The following SMAD5 variants were observed in gnomAD, a reference collection of about 807,000 sequenced individuals.
The protein encoded by SMAD5 is SMAD family member 5, also known as MAD, mothers against decapentaplegic homolog 5.
SMAD5 carries 9 observed loss-of-function variants against 43.1 expected under a neutral mutation model. That is an observed-to-expected ratio of 0.21 (90% CI 0.13 to 0.36). SMAD5 has a LOEUF of 0.36. Ranked by LOEUF, SMAD5 falls within the 10% of genes least tolerant of loss-of-function variation. The probability of loss-of-function intolerance (pLI) is 1.00; values close to 1 mark genes in which losing one functional copy is unlikely to be tolerated. For missense variants in SMAD5, 348 were observed against 574.0 expected, an observed-to-expected ratio of 0.61 and a Z score of 4.02; for synonymous variants, 190 against 192.4, an observed-to-expected ratio of 0.99 and a Z score of 0.10.
chr5:136,180,814 G>A lies in SMAD5; in HGVS notation c.*3334G>A, dbSNP rs2149785131. 1 of 152,254 alleles carries A rather than the reference G, an allele frequency of 6.6e-6. No individual in the cohort carries two copies. Among genetic ancestry groups the A allele is most frequent in the Non-Finnish European group, 1.5e-5 (1 of 67,962 alleles). 9.4% of individuals were successfully genotyped at this position (152,254 alleles called of 1,614,324 possible). On this transcript the variant is annotated 3_prime_UTR_variant, in exon 8 of 8. Coordinates refer to ENST00000545279, the MANE Select transcript of SMAD5 (RefSeq NM_005903.7). ...ACATCTAATGGCACAGATAGAGGAT[G>A]TAGCTATTTTATACCTTTCATAACA...
At chr5:136,167,908 C>G (rs1057380315) in intron 5 of SMAD5, among the ~76,000 whole-genome samples, 11 of 151,962 alleles carry the variant, frequency 7.2e-5, no homozygotes, top group Non-Finnish European at 1.6e-4. Flanking sequence ...CGCTCTGCCA[C>G]CCGGGATTGA....
intron 5 of SMAD5, among the ~76,000 whole-genome samples, chr5:136,167,630 T>C (rs1362556187): frequency 6.6e-6 from 1 of 151,874 alleles, no homozygotes; most frequent in Non-Finnish European, 1.5e-5. Context: ...ATACAAAAAT[T>C]AGCCGGGCTT....
At chr5:136,135,371 CCTGT>C (rs1216079708) in intron 1 of SMAD5, among the ~76,000 whole-genome samples, 5 of 152,212 alleles carry the variant, frequency 3.3e-5, no homozygotes, top group Admixed American at 1.3e-4. Context: ...ACCTGGGCAG[CCTGT>C]CTGTTTCCTG....
intron 5 of SMAD5, 72 bp from the exon 6 acceptor site, chr5:136,172,362 A>T: frequency 1.1e-6 from 1 of 885,638 alleles, no homozygotes; most frequent in Non-Finnish European, 1.7e-6. Flanking sequence ...GGGTTGGGTT[A>T]AAAGATAAAC....
rs1754463561 is a variant in SMAD5, at chr5:136,177,441, G to A, written c.1359G>A (p.Gln453=). Residue 453 remains glutamine (Q), a synonymous_variant, in exon 8 of 8, where the codon CAG becomes CAA. Coordinates refer to ENST00000545279, the MANE Select transcript of SMAD5 (RefSeq NM_005903.7). ...PLQWLDKVLT[Q]MGSPLNPISS... ...AGTGGCTGGATAAAGTCCTTACTCA[G>A]ATGGGCTCCCCTCTGAACCCCATAT... is the stretch of plus-strand genomic sequence containing the variant. 6.2e-7 allele frequency: 1 copy of A among 1,612,746 alleles called. No homozygotes were observed. Among genetic ancestry groups the A allele is most frequent in the Non-Finnish European group, 8.5e-7 (1 of 1,179,144 alleles).
At chr5:136,170,226 C>T (rs913449464) in intron 5 of SMAD5, among the ~76,000 whole-genome samples, 4 of 152,112 alleles carry the variant, frequency 2.6e-5, no homozygotes, top group Admixed American at 2.6e-4. Context: ...TTGCATTTTA[C>T]ATTTAGGTCT....
rs567782609 is a variant in SMAD5, at chr5:136,160,061, T to C, written c.404-795T>C. 1.6e-4 allele frequency among the ~76,000 whole-genome samples: 25 copies of C among 152,358 alleles called. 1 individual carries two copies. The Middle Eastern group carries it at 0.017, about 104-fold the overall frequency. On this transcript the variant is annotated intron_variant, in intron 3 of 7. Transcript: ENST00000545279. ...TAATCAGATATTTGAATGTGATTGGTCACTTGGGTCTTTAGAGAAAGCGAA... is the reference window on the plus strand; with the variant it reads ...TAATCAGATATTTGAATGTGATTGGCCACTTGGGTCTTTAGAGAAAGCGAA...
At chr5:136,167,062 C>T (rs964292059) in intron 5 of SMAD5, among the ~76,000 whole-genome samples, 2 of 152,216 alleles carry the variant, frequency 1.3e-5, no homozygotes, top group African/African-American at 4.8e-5. Context: ...ACGGCAGTGC[C>T]TGGAACCACC....
intron 7 of SMAD5, 107 bp downstream of exon 7, chr5:136,174,739 G>A: frequency 1.3e-6 from 1 of 747,156 alleles, no homozygotes; most frequent in Non-Finnish European, 2.2e-6. Context: ...ATTGCTTTTG[G>A]CCTGATTTAA....
At position 136,161,074 on chromosome 5, in the gene SMAD5, A is replaced by G. The variant is rs774820310; in HGVS notation, c.622A>G (p.Ser208Gly). Residue 208 changes from serine (S) to glycine (G), a missense_variant, in exon 4 of 8, where the codon AGT becomes GGT. Physicochemically the swap from Ser to Gly is moderately conservative, Grantham distance 56. Transcript: ENST00000545279. ...ASSTYPNSPA[S>G]SGPGSPFQLP... Reference sequence around the variant, plus strand: ...CAGCACATATCCCAACTCCCCAGCAAGTTCTGGACCAGGAAGTCCATTTCA... The same window carrying G: ...CAGCACATATCCCAACTCCCCAGCAGGTTCTGGACCAGGAAGTCCATTTCA... The G allele has an allele frequency of 3.1e-6, 5 of 1,613,682 alleles. No individual in the cohort carries two copies. The South Asian group carries it at 5.5e-5, about 18-fold the overall frequency.
chr5:136,146,523 C>T (rs1222795007), intron 1 of SMAD5, among the ~76,000 whole-genome samples: 3 of 151,808 alleles, frequency 2.0e-5, no homozygotes, highest in South Asian at 2.1e-4. Flanking sequence ...AGAGGTATTG[C>T]AGGTTCACTT....
Position 136,179,804 on chromosome 5 carries a change from G to T in SMAD5, c.*2324G>T, listed in dbSNP as rs549364275. 3.9e-5 allele frequency: 5 copies of T among 129,518 alleles called. No individual in the cohort carries two copies. The highest frequency in any genetic ancestry group is 6.9e-5 in the African/African-American group (2 of 28,970). 8.0% of individuals were successfully genotyped at this position (129,518 alleles called of 1,614,324 possible). On this transcript the variant is annotated 3_prime_UTR_variant, in exon 8 of 8. Coordinates refer to ENST00000545279, the MANE Select transcript of SMAD5 (RefSeq NM_005903.7). ...ATGGCATGATCTCTGGAACAAATTT[G>T]TAGGAAAAAATTACTCCAATTGAAT...
At chr5:136,172,367 A>G (rs1378413907) in intron 5 of SMAD5, 67 bp from the exon 6 acceptor site, 3 of 936,820 alleles carry the variant, frequency 3.2e-6, no homozygotes, top group Non-Finnish European at 4.8e-6. Context: ...GGGTTAAAAG[A>G]TAAACACATG....
intron 2 of SMAD5, among the ~76,000 whole-genome samples, chr5:136,152,019 C>G (rs139514405): frequency 6.6e-6 from 1 of 152,180 alleles, no homozygotes; most frequent in East Asian, 1.9e-4. Flanking sequence ...TGTTATATCT[C>G]TCTATTTTAA....
chr5:136,144,157 G>A (rs563525408), intron 1 of SMAD5, among the ~76,000 whole-genome samples: 9 of 152,074 alleles, frequency 5.9e-5, no homozygotes, highest in South Asian at 2.1e-4. Flanking sequence ...GAATTGTCCC[G>A]TGGGTTTCCT....
intron 2 of SMAD5, among the ~76,000 whole-genome samples, chr5:136,148,424 T>A (rs1336296478): frequency 2.0e-5 from 3 of 151,782 alleles, no homozygotes; most frequent in Non-Finnish European, 1.5e-5. Flanking sequence ...TCCTCATCCA[T>A]GCATCAAGAC....
rs779903941 is a variant in SMAD5 at position 136,171,935 on chromosome 5, T to C, written c.776-499T>C. On this transcript the variant is annotated intron_variant, in intron 5 of 7. Transcript: ENST00000545279. The stretch of plus-strand genomic sequence containing the variant: ...TATTTGAAGATGGAAATAATTAGGC[T>C]TGAGAGTGGGATTGTCATAATGAGA... Among the ~76,000 whole-genome samples, 18 of 152,292 alleles carry C rather than the reference T, an allele frequency of 1.2e-4. No individual in the cohort carries two copies. The Middle Eastern group carries it at 0.014, about 115-fold the overall frequency.
chr5:136,176,040 A>G (rs1216635089), intron 7 of SMAD5, among the ~76,000 whole-genome samples: 1 of 152,128 alleles, frequency 6.6e-6, no homozygotes, highest in African/African-American at 2.4e-5. Flanking sequence ...GTAATTTCCA[A>G]CCTTAAAGGA....
chr5:136,157,431 A>G (rs1200521858), intron 3 of SMAD5, among the ~76,000 whole-genome samples: 6 of 152,134 alleles, frequency 3.9e-5, no homozygotes, highest in African/African-American at 1.4e-4. Flanking sequence ...ATTCAAGCAC[A>G]TTATATTTAT....
Sources: allele counts gnomAD v4.1 joint callset (sites outside exome capture counted in the v4.1 genomes callset), GRCh38; gene constraint gnomAD v4.1.1; transcripts MANE v1.5; gene names NCBI Gene and HGNC (gene_info 2026-07-23, HGNC 2026-07-21).